The following METTL23 variants were observed in gnomAD, a reference collection of about 807,000 sequenced individuals.
METTL23 encodes the protein methyltransferase 23, arginine.
A neutral mutation model predicts 21.2 loss-of-function variants in METTL23; 24 were observed. That is an observed-to-expected ratio of 1.13 (90% CI 0.82 to 1.59). METTL23 has a LOEUF of 1.59. Ranked by LOEUF, METTL23 falls within the 40% of genes most tolerant of loss-of-function variation. The pLI is 0.00. For synonymous variants in METTL23, 97 were observed against 75.2 expected, an observed-to-expected ratio of 1.29 and a Z score of -1.50; for missense variants, 276 against 221.4, an observed-to-expected ratio of 1.25 and a Z score of -1.57.
chr17:76,727,208 C>G (rs753442095), intron 1 of METTL23, 30 bp downstream of exon 1: 30 of 377,602 alleles, frequency 7.9e-5, no homozygotes, highest in Non-Finnish European at 1.2e-4. Context: ...CCAGGAGGCG[C>G]CTGAGGTCAG....
chr17:76,726,510 C>A (rs749088772), upstream of METTL23: 2 of 1,570,400 alleles, frequency 1.3e-6, no homozygotes, highest in Admixed American at 3.7e-5. Flanking sequence ...GCTACGACCT[C>A]GGCGCAGCCC....
chr17:76,728,739 C>T (rs1260493710), intron 1 of METTL23, among the ~76,000 whole-genome samples: 1 of 147,934 alleles, frequency 6.8e-6, no homozygotes, highest in Non-Finnish European at 1.5e-5. Context: ...ACTTGCATTT[C>T]TTCCTAAATG....
intron 4 of METTL23, 61 bp downstream of exon 4, chr17:76,733,438 G>A (rs1403877061): frequency 2.0e-5 from 32 of 1,597,956 alleles, no homozygotes; most frequent in Non-Finnish European, 2.7e-5. Context: ...CCCTACCCAT[G>A]CGATACATAA....
chr17:76,726,483 G>C (rs762443596), upstream of METTL23: 265 of 1,587,670 alleles, frequency 1.7e-4, no homozygotes, highest in Non-Finnish European at 2.2e-4. Context: ...CATTCTGCGG[G>C]GTCGCCAGCT....
At chr17:76,733,495 T>TA in intron 4 of METTL23, 26 bp from the exon 5 acceptor site, 3 of 1,601,920 alleles carry the variant, frequency 1.9e-6, no homozygotes, top group Non-Finnish European at 2.6e-6. Flanking sequence ...GGCATGACTT[T>TA]AAAAGAACAA....
intron 2 of METTL23, 99 bp from the exon 3 acceptor site, chr17:76,732,879 T>TA: frequency 1.0e-6 from 1 of 974,374 alleles, no homozygotes. Flanking sequence ...ACTCTATGCT[T>TA]ATTTAAAAAT....
chr17:76,726,486 C>A, upstream of METTL23: 2 of 1,586,048 alleles, frequency 1.3e-6, no homozygotes, highest in South Asian at 2.2e-5. Flanking sequence ...TCTGCGGGGT[C>A]GCCAGCTGGT....
upstream of METTL23, chr17:76,726,219 C>T: frequency 1.6e-6 from 2 of 1,272,876 alleles, no homozygotes; most frequent in Non-Finnish European, 1.0e-6. Flanking sequence ...CCAAACTCCG[C>T]GGGGTGCGGG....
At chr17:76,731,048 A>G (rs2077184395) in intron 2 of METTL23, among the ~76,000 whole-genome samples, 2 of 151,958 alleles carry the variant, frequency 1.3e-5, no homozygotes, top group African/African-American at 4.8e-5. Context: ...CGGAGCTTGC[A>G]GTGAGCCGAG....
upstream of METTL23, chr17:76,726,637 G>C: frequency 2.1e-6 from 2 of 970,836 alleles, no homozygotes; most frequent in South Asian, 1.8e-5. Flanking sequence ...TCACTCCCCA[G>C]CCACCTCCCG....
At chr17:76,731,127 T>G (rs2077190425) in intron 2 of METTL23, among the ~76,000 whole-genome samples, 1 of 146,194 alleles carries the variant, frequency 6.8e-6, no homozygotes, top group Non-Finnish European at 1.5e-5. Flanking sequence ...AAGATAAAAT[T>G]AGCCAGGCCT....
upstream of METTL23, among the ~76,000 whole-genome samples, chr17:76,726,080 G>A (rs966722305): frequency 2.0e-4 from 31 of 152,312 alleles, no homozygotes; most frequent in Admixed American, 1.6e-3. Flanking sequence ...CCGCCCAAAG[G>A]AGTCAGGGAC....
At chr17:76,730,429 G>C (rs4789350) in intron 2 of METTL23, among the ~76,000 whole-genome samples, 151,009 of 152,288 alleles carry the variant, frequency 0.99, 74,881 homozygotes, top group East Asian at 1. Flanking sequence ...ATAGTGAGAC[G>C]CTGTCTCTAA....
At chr17:76,732,903 G>A (rs557007720) in intron 2 of METTL23, 75 bp from the exon 3 acceptor site, 33 of 1,249,578 alleles carry the variant, frequency 2.6e-5, no homozygotes, top group Non-Finnish European at 3.5e-5. Flanking sequence ...AGAATATAAT[G>A]AAAAAGTACT....
rs148873333 is a variant in METTL23, at chr17:76,733,062, C to G, written c.169C>G (p.His57Asp). The part of the protein sequence containing the change: ...VILSDSSELP[H>D]CLEVCRQSCQ... ...ACTGTCAGACAGCTCAGAACTGCCT[C>G]ACTGTCTGGAAGTCTGTCGGCAAAG... The change falls in exon 3 of 5, where the codon CAC becomes GAC. Residue 57 changes from histidine to aspartate, a missense_variant. His to Asp is a moderately conservative substitution (Grantham distance 81). Coordinates refer to ENST00000341249, the MANE Select transcript of METTL23 (RefSeq NM_001080510.5). 46 of 1,606,862 alleles carry G rather than the reference C, an allele frequency of 2.9e-5. No homozygotes were observed. Among genetic ancestry groups the G allele is most frequent in the Admixed American group, 8.5e-5 (5 of 58,768 alleles).
intron 2 of METTL23, among the ~76,000 whole-genome samples, chr17:76,731,720 CTAAA>C (rs745847624): frequency 5.9e-5 from 9 of 152,262 alleles, no homozygotes; most frequent in African/African-American, 2.2e-4. Flanking sequence ...AGACCAAAGG[CTAAA>C]TAGACAAACC....
At chr17:76,730,779 C>G (rs1469246332) in intron 2 of METTL23, among the ~76,000 whole-genome samples, 1 of 152,010 alleles carries the variant, frequency 6.6e-6, no homozygotes, top group Non-Finnish European at 1.5e-5. Flanking sequence ...ACCAGCCTGG[C>G]CAACATGGTG....
upstream of METTL23, chr17:76,726,469 G>A: frequency 6.2e-7 from 1 of 1,600,128 alleles, no homozygotes; most frequent in Non-Finnish European, 8.5e-7. Context: ...TTGCTCTTGT[G>A]GTTCATTCTG....
intron 2 of METTL23, among the ~76,000 whole-genome samples, chr17:76,731,529 T>C (rs755213107): frequency 2.0e-5 from 3 of 151,898 alleles, no homozygotes; most frequent in Non-Finnish European, 2.9e-5. Flanking sequence ...TTTGAACATA[T>C]GAATTTTGGG....
Sources: gnomAD v4.1 joint callset for allele counts (sites outside exome capture counted in the v4.1 genomes callset) on GRCh38, gnomAD v4.1.1 for gene constraint, MANE v1.5 for transcripts, NCBI Gene and HGNC (gene_info 2026-07-23, HGNC 2026-07-21) for gene names.